The following LAMA2 variants were observed in gnomAD, a reference collection of about 807,000 sequenced individuals.
The protein encoded by LAMA2 is laminin subunit alpha 2, also known as laminin subunit alpha-2.
Under a neutral mutation model 364.8 loss-of-function variants are expected in LAMA2, and 269 were observed. The ratio of observed to expected loss-of-function variants is 0.74; its 90% CI spans 0.67 to 0.82. LAMA2 has a LOEUF of 0.82. LAMA2 is among the 40% of genes least tolerant of loss of function. The pLI is 0.00. For synonymous variants in LAMA2, 1,379 were observed against 1,370.6 expected, an observed-to-expected ratio of 1.01 and a Z score of -0.14; for missense variants, 3,807 against 3,873.2, an observed-to-expected ratio of 0.98 and a Z score of 0.45.
At chr6:129,182,044 C>A in intron 10 of LAMA2, among the ~76,000 whole-genome samples, 1 of 151,434 alleles carries the variant, frequency 6.6e-6, no homozygotes, top group East Asian at 1.9e-4. Flanking sequence ...AGATTATAGT[C>A]CAGAAGAATC....
chr6:129,141,522 G>A (rs1778124259), intron 4 of LAMA2, among the ~76,000 whole-genome samples: 1 of 152,004 alleles, frequency 6.6e-6, no homozygotes, highest in East Asian at 1.9e-4. Context: ...GAGGCATTTT[G>A]AGTCTATTCT....
At chr6:128,943,111 C>A (rs2052491927) in intron 1 of LAMA2, among the ~76,000 whole-genome samples, 1 of 152,070 alleles carries the variant, frequency 6.6e-6, no homozygotes, top group Non-Finnish European at 1.5e-5. Context: ...ATGTCTCGGG[C>A]AACTTCTACT....
chr6:129,502,742 T>TG lies in LAMA2; in HGVS notation c.8329dup (p.Ala2777GlyfsTer3). 6.2e-7 allele frequency: 1 copy of TG among 1,613,038 alleles called. No homozygotes were observed. Among genetic ancestry groups the TG allele is most frequent in the Non-Finnish European group, 8.5e-7 (1 of 1,179,098 alleles). ...TTTCAAGAAACAGTCACATTGCAAT[T>TG]GCATTTGATGACACCAAAGTTAAAA... is the stretch of plus-strand genomic sequence containing the variant. On this transcript the variant is annotated frameshift_variant, in exon 59 of 65. Coordinates refer to ENST00000421865, the MANE Select transcript of LAMA2 (RefSeq NM_000426.4). LOFTEE classifies it high-confidence loss of function.
intron 1 of LAMA2, among the ~76,000 whole-genome samples, chr6:128,987,086 G>A (rs1431409193): frequency 2.0e-5 from 3 of 148,964 alleles, no homozygotes; most frequent in African/African-American, 7.4e-5. Context: ...TTTTGTGCAC[G>A]TGTCTTTTGC....
intron 37 of LAMA2, among the ~76,000 whole-genome samples, chr6:129,394,903 T>C (rs1779521773): frequency 1.3e-5 from 2 of 152,360 alleles, no homozygotes; most frequent in Non-Finnish European, 1.5e-5. Context: ...TGGTCCTGTT[T>C]GGATTTTCCT....
At chr6:129,266,997 A>G (rs1378626077) in intron 15 of LAMA2, 109 bp from the exon 16 acceptor site, 1 of 786,300 alleles carries the variant, frequency 1.3e-6, no homozygotes, top group Non-Finnish European at 2.3e-6. Flanking sequence ...AGCACATTTG[A>G]TGAGTTTCCT....
chr6:129,218,934 T>A (rs1189065710), intron 12 of LAMA2, among the ~76,000 whole-genome samples: 1 of 152,192 alleles, frequency 6.6e-6, no homozygotes. Context: ...ACCTTAATGA[T>A]GGTATTGTGA....
intron 3 of LAMA2, among the ~76,000 whole-genome samples, chr6:129,089,597 CCAATGA>C: frequency 6.6e-6 from 1 of 152,272 alleles, no homozygotes; most frequent in South Asian, 2.1e-4. Context: ...CCATGCTGTG[CCAATGA>C]CTTATTCACA....
chr6:129,315,303 C>A lies in LAMA2; in HGVS notation c.3556-173C>A, dbSNP rs1429507827. 3.3e-5 allele frequency among the ~76,000 whole-genome samples: 5 copies of A among 152,318 alleles called. No individual in the cohort carries two copies. The South Asian group carries it at 1.0e-3, about 32-fold the overall frequency. On this transcript the variant is annotated intron_variant, in intron 24 of 64. Transcript: ENST00000421865. ...TGTGGCTTTCACTATGTGAATTAGT[C>A]AAAAAGATTTACGTCCTGCCATGCT...
chr6:129,162,296 T>G (rs1779485619), intron 8 of LAMA2, among the ~76,000 whole-genome samples: 2 of 152,158 alleles, frequency 1.3e-5, no homozygotes, highest in Admixed American at 6.6e-5. Flanking sequence ...AAGCCAGCAA[T>G]ACAATGTTGT....
intron 1 of LAMA2, among the ~76,000 whole-genome samples, chr6:128,964,874 T>C (rs1352464495): frequency 6.6e-6 from 1 of 152,010 alleles, no homozygotes; most frequent in Non-Finnish European, 1.5e-5. Context: ...GGTAAATGAG[T>C]GTACTTCAGT....
intron 9 of LAMA2, among the ~76,000 whole-genome samples, chr6:129,173,217 A>G (rs949101828): frequency 6.6e-6 from 1 of 152,186 alleles, no homozygotes; most frequent in Non-Finnish European, 1.5e-5. Flanking sequence ...TTTTTTAGTG[A>G]GTTACCTTTA....
chr6:129,513,969 A>G (rs560891885), intron 63 of LAMA2, among the ~76,000 whole-genome samples: 5 of 152,342 alleles, frequency 3.3e-5, no homozygotes, highest in Admixed American at 2.6e-4. Context: ...CAAATTAATG[A>G]GTCACTTTAA....
chr6:128,992,857 T>A (rs1470345442), intron 1 of LAMA2, among the ~76,000 whole-genome samples: 2 of 152,316 alleles, frequency 1.3e-5, no homozygotes, highest in African/African-American at 4.8e-5. Context: ...CCTCCTTGAA[T>A]CTACTGATAT....
At chr6:129,243,228 T>G (rs1785507795) in intron 12 of LAMA2, among the ~76,000 whole-genome samples, 1 of 152,130 alleles carries the variant, frequency 6.6e-6, no homozygotes, top group Non-Finnish European at 1.5e-5. Flanking sequence ...AATTGGGCCT[T>G]ACTTTGTTAC....
chr6:129,288,710 C>CT (rs1305827352), intron 19 of LAMA2, among the ~76,000 whole-genome samples: 3 of 152,030 alleles, frequency 2.0e-5, no homozygotes, highest in African/African-American at 7.3e-5. Context: ...CCCTCTTTAC[C>CT]TTTTTTGCTG....
At chr6:129,404,941 G>A (rs2114699799) in intron 40 of LAMA2, among the ~76,000 whole-genome samples, 1 of 152,120 alleles carries the variant, frequency 6.6e-6, no homozygotes, top group South Asian at 2.1e-4. Context: ...TATTCTATGA[G>A]CAATTTGTAC....
intron 52 of LAMA2, among the ~76,000 whole-genome samples, chr6:129,473,666 C>A (rs1783925282): frequency 6.6e-6 from 1 of 151,900 alleles, no homozygotes; most frequent in African/African-American, 2.4e-5. Flanking sequence ...TGTTCTCCTT[C>A]TACATTCACT....
chr6:129,485,881 A>G, intron 55 of LAMA2, among the ~76,000 whole-genome samples: 1 of 152,334 alleles, frequency 6.6e-6, no homozygotes, highest in Non-Finnish European at 1.5e-5. Context: ...CAAGGACTGC[A>G]TTCAGGCTCC....
Sources: allele counts gnomAD v4.1 joint callset (sites outside exome capture counted in the v4.1 genomes callset), GRCh38; gene constraint gnomAD v4.1.1; transcripts MANE v1.5; gene names NCBI Gene and HGNC (gene_info 2026-07-23, HGNC 2026-07-21).